The following EIF3H variants were observed in gnomAD, a reference collection of about 807,000 sequenced individuals.
The protein encoded by EIF3H is eIF-3-gamma.
EIF3H carries 26 observed loss-of-function variants against 44.2 expected under a neutral mutation model. The ratio of observed to expected loss-of-function variants is 0.59; its 90% CI spans 0.43 to 0.82. EIF3H has a LOEUF of 0.82. Ranked by LOEUF, EIF3H falls within the 40% of genes least tolerant of loss-of-function variation. The pLI, the probability that EIF3H is intolerant of heterozygous loss-of-function variation, is 0.00. For missense variants in EIF3H, 359 were observed against 432.8 expected (o/e 0.83, Z 1.51); for synonymous variants, 166 against 151.9 (o/e 1.09, Z -0.68).
At chr8:116,677,438 C>A (rs1403284404) in intron 2 of EIF3H, among the ~76,000 whole-genome samples, 2 of 152,178 alleles carry the variant, frequency 1.3e-5, no homozygotes, top group African/African-American at 4.8e-5. Context: ...GTGGCTGGAT[C>A]CCCATTTTTA....
At chr8:116,752,722 A>AAGAAG (rs1815368084) in intron 1 of EIF3H, among the ~76,000 whole-genome samples, 1 of 111,150 alleles carries the variant, frequency 9.0e-6, no homozygotes, top group African/African-American at 3.0e-5. Flanking sequence ...GAAAGAAAGA[A>AAGAAG]AGAAAGAAAG....
At chr8:116,737,608 G>T in intron 1 of EIF3H, 1 of 175,210 alleles carries the variant, frequency 5.7e-6, no homozygotes, top group Non-Finnish European at 1.2e-5. Flanking sequence ...AGTGAGCTGA[G>T]ATCCCACCAC....
At chr8:116,647,871 G>T (rs2130773268) in intron 6 of EIF3H, among the ~76,000 whole-genome samples, 1 of 151,918 alleles carries the variant, frequency 6.6e-6, no homozygotes, top group East Asian at 1.9e-4. Flanking sequence ...CAGCTGAGAT[G>T]ACTTTTTTCC....
intron 2 of EIF3H, among the ~76,000 whole-genome samples, chr8:116,717,072 T>C (rs1814670524): frequency 6.6e-6 from 1 of 152,116 alleles, no homozygotes; most frequent in Non-Finnish European, 1.5e-5. Flanking sequence ...AAAATCAACA[T>C]ACAGGACTAT....
intron 2 of EIF3H, among the ~76,000 whole-genome samples, chr8:116,691,358 G>C (rs1449703928): frequency 6.6e-6 from 1 of 152,108 alleles, no homozygotes; most frequent in Non-Finnish European, 1.5e-5. Context: ...GGGAAGAGGA[G>C]TGGGGGGAGG....
intron 1 of EIF3H, among the ~76,000 whole-genome samples, chr8:116,738,763 T>TTA (rs761903681): frequency 6.6e-6 from 1 of 152,222 alleles, no homozygotes; most frequent in Non-Finnish European, 1.5e-5. Flanking sequence ...TAAGCCTGCT[T>TTA]TATAAAGCTG....
chr8:116,664,174 T>C (rs10505281), intron 2 of EIF3H, among the ~76,000 whole-genome samples: 3,896 of 152,272 alleles, frequency 0.026, 88 homozygotes, highest in African/African-American at 0.066. Flanking sequence ...ACCAGTATAT[T>C]CATATTCAGT....
Position 116,642,430 on chromosome 8 carries a change from ATTATT to A in EIF3H, c.*2571_*2575del, listed in dbSNP as rs1287280547. ...CAAGCTTCCAAAAATAGGTAAAAAAATTATTTTAGTTTAAGTTGATATTAAAAACA... is the reference window on the plus strand; with the variant it reads ...CAAGCTTCCAAAAATAGGTAAAAAAATTAGTTTAAGTTGATATTAAAAACA... On this transcript the variant is annotated 3_prime_UTR_variant, in exon 8 of 8. Transcript: ENST00000521861. The A allele has an allele frequency of 6.6e-6, 1 of 152,162 alleles. No homozygotes were observed. The highest frequency in any genetic ancestry group is 2.4e-5 in the African/African-American group (1 of 41,420). The allele number at this position is 152,162 out of a possible 1,614,324, so 9.4% of individuals were successfully genotyped here.
intron 2 of EIF3H, among the ~76,000 whole-genome samples, chr8:116,660,946 C>A (rs562532580): frequency 4.0e-4 from 61 of 152,190 alleles, no homozygotes; most frequent in Non-Finnish European, 5.6e-4. Context: ...ATATGACAGC[C>A]GAAAAAGCAG....
chr8:116,646,670 C>T lies in EIF3H; in HGVS notation c.829-67G>A. ...CTGAGGAGGAAAAAAAGATGTCCTT[C>T]CCCTACACAACCAGCAGAACCCCAC... On this transcript the variant is annotated intron_variant, in intron 6 of 7. Coordinates refer to ENST00000521861, the MANE Select transcript of EIF3H (RefSeq NM_003756.3). The T allele has an allele frequency of 8.2e-6, 13 of 1,585,884 alleles. No individual in the cohort carries two copies. The South Asian group carries it at 1.2e-4, about 15-fold the overall frequency.
chr8:116,665,837 G>A (rs1258997984), intron 2 of EIF3H, among the ~76,000 whole-genome samples: 3 of 152,172 alleles, frequency 2.0e-5, no homozygotes, highest in Non-Finnish European at 4.4e-5. Flanking sequence ...TTCAGGCAAT[G>A]TTCAAAGCTA....
intron 5 of EIF3H, among the ~76,000 whole-genome samples, chr8:116,653,651 GC>G (rs1813436202): frequency 6.6e-6 from 1 of 151,732 alleles, no homozygotes; most frequent in South Asian, 2.1e-4. Context: ...AATGTATGAT[GC>G]CCACCCTTAG....
At chr8:116,742,868 T>C (rs917250636) in intron 1 of EIF3H, among the ~76,000 whole-genome samples, 4 of 152,244 alleles carry the variant, frequency 2.6e-5, no homozygotes, top group Non-Finnish European at 5.9e-5. Flanking sequence ...ATGCATGTAT[T>C]ATCCAGTGTA....
intron 1 of EIF3H, among the ~76,000 whole-genome samples, chr8:116,764,031 G>A (rs983117288): frequency 1.3e-5 from 2 of 151,966 alleles, no homozygotes; most frequent in African/African-American, 4.8e-5. Flanking sequence ...ATGTACAACA[G>A]CATAATATTA....
rs1563663192 is a variant in EIF3H, at chr8:116,752,778, AGGGAGGGAG to A, written c.132+2879_132+2887del. The stretch of plus-strand genomic sequence containing the variant: ...GAGGGAGGGAGGGAGGGAGGGAGGG[AGGGAGGGAG>A]GGAGGGAGGGAAGGAAGGAAGGAAG... On this transcript the variant is annotated intron_variant, in intron 1 of 7. Transcript: ENST00000521861. Among the ~76,000 whole-genome samples the A allele has an allele frequency of 3.5e-3, 190 of 54,152 alleles. 8 individuals are homozygous for A. The highest frequency in any genetic ancestry group is 5.8e-3 in the Non-Finnish European group (142 of 24,658). The allele number at this position is 54,152 out of a possible 152,430, so 35.5% of individuals were successfully genotyped here.
intron 2 of EIF3H, among the ~76,000 whole-genome samples, chr8:116,689,766 G>A (rs1814141174): frequency 1.3e-5 from 2 of 152,114 alleles, no homozygotes; most frequent in African/African-American, 4.8e-5. Context: ...CATCAAGAAC[G>A]CTGGAAACCA....
At chr8:116,674,067 CAAAAAAA>C (rs59899280) in intron 2 of EIF3H, among the ~76,000 whole-genome samples, 4 of 49,664 alleles carry the variant, frequency 8.1e-5, no homozygotes, top group South Asian at 1.3e-3. Flanking sequence ...AAGACTGTCT[CAAAAAAA>C]AAAAAAAAAA....
chr8:116,756,928 G>A (rs181800036), upstream of EIF3H, among the ~76,000 whole-genome samples: 57 of 152,264 alleles, frequency 3.7e-4, no homozygotes, highest in Middle Eastern at 0.01. Context: ...AGAAAATCTC[G>A]CATGGAAGAA....
At chr8:116,703,066 T>G (rs951607331) in intron 2 of EIF3H, among the ~76,000 whole-genome samples, 1 of 152,210 alleles carries the variant, frequency 6.6e-6, no homozygotes, top group Non-Finnish European at 1.5e-5. Flanking sequence ...GCTGTTCCAG[T>G]ATAATAAAGA....
Sources: gnomAD v4.1 joint callset for allele counts (sites outside exome capture counted in the v4.1 genomes callset) on GRCh38, gnomAD v4.1.1 for gene constraint, MANE v1.5 for transcripts, NCBI Gene and HGNC (gene_info 2026-07-23, HGNC 2026-07-21) for gene names.